Variants in ABI3BP observed in about 807,000 individuals in gnomAD.
ABI3BP encodes target of Nesh-SH3.
In ABI3BP, 216 loss-of-function variants were observed where a neutral mutation model predicts 268.6. The ratio of observed to expected loss-of-function variants is 0.80; its 90% CI spans 0.72 to 0.90. The LOEUF (loss-of-function observed/expected upper bound fraction) is 0.90, where lower values mean the gene tolerates loss of function less well. ABI3BP is among the 40% of genes least tolerant of loss of function. ABI3BP has a pLI of 0.00. For missense variants in ABI3BP, 2,090 were observed against 2,182.4 expected, an observed-to-expected ratio of 0.96 and a Z score of 0.84; for synonymous variants, 730 against 730.0, an observed-to-expected ratio of 1.00 and a Z score of 0.00.
At chr3:100,765,122 T>G (rs1178361255) in intron 63 of ABI3BP, among the ~76,000 whole-genome samples, 2 of 137,616 alleles carry the variant, frequency 1.5e-5, no homozygotes, top group African/African-American at 5.3e-5. Context: ...AAAAAAAAAC[T>G]TGGAACTTCC....
In ABI3BP at chr3:100,828,423, G is replaced by A. The variant is rs1417901001; in HGVS notation, c.2572C>T (p.Pro858Ser). The A allele has an allele frequency of 2.0e-5, 30 of 1,535,242 alleles. No homozygotes were observed. The highest frequency in any genetic ancestry group is 2.4e-5 in the Non-Finnish European group (27 of 1,146,440). Residue 858 changes from proline to serine, a missense_variant, in exon 34 of 68, where the codon CCT becomes TCT. Coordinates refer to ENST00000471714, the MANE Select transcript of ABI3BP (RefSeq NM_001375547.2). ...GTTGTCCCTGGAGCCTCTTTTATAG[G>A]AGAAACTGGTTCAAAGATTGTAGCA... ...VPATIFEPVS[P>S]IKEAPGTTFV...
intron 1 of ABI3BP, among the ~76,000 whole-genome samples, chr3:100,964,348 A>G (rs1163302103): frequency 6.6e-6 from 1 of 152,188 alleles, no homozygotes; most frequent in Non-Finnish European, 1.5e-5. Flanking sequence ...TGATCAAACT[A>G]ATATGTGAGC....
rs2095233781 is a variant in ABI3BP, at chr3:100,750,020, G to A, written c.*475C>T. ...GTTTAAATATAAATGTGAAAATTCG[G>A]ACCTTTTTTCCCCAGATATACATGC... On this transcript the variant is annotated 3_prime_UTR_variant, in exon 68 of 68. Transcript: ENST00000471714. The A allele has an allele frequency of 9.6e-6, 3 of 312,828 alleles. No homozygotes were observed. Among genetic ancestry groups the A allele is most frequent in the Non-Finnish European group, 1.7e-5 (3 of 173,744 alleles). 19.4% of individuals were successfully genotyped at this position (312,828 alleles called of 1,614,324 possible).
chr3:100,767,592 T>C (rs1250874059), intron 62 of ABI3BP, among the ~76,000 whole-genome samples: 1 of 147,118 alleles, frequency 6.8e-6, no homozygotes, highest in Non-Finnish European at 1.5e-5. Context: ...GCAAGTAAAA[T>C]TGATTAAAAA....
At chr3:100,935,047 T>C (rs1435764625) in intron 1 of ABI3BP, among the ~76,000 whole-genome samples, 2 of 152,216 alleles carry the variant, frequency 1.3e-5, no homozygotes, top group Non-Finnish European at 2.9e-5. Flanking sequence ...CATGAAGTCT[T>C]TGGCCATGCC....
chr3:100,845,596 T>A lies in ABI3BP; in HGVS notation c.1723+776A>T, dbSNP rs955407214. Among the ~76,000 whole-genome samples, 14 of 152,146 alleles carry A rather than the reference T, an allele frequency of 9.2e-5. 1 individual carries two copies. The highest frequency in any genetic ancestry group is 3.1e-4 in the African/African-American group (13 of 41,452). On this transcript the variant is annotated intron_variant, in intron 20 of 67. Transcript: ENST00000471714. ...AATGGAAATGCAAGTTCAAAATCCATTAAACATTATTGTGAGAAATAATTT... is the reference window on the plus strand; with the variant it reads ...AATGGAAATGCAAGTTCAAAATCCAATAAACATTATTGTGAGAAATAATTT...
At chr3:100,888,225 T>C (rs771340713) in intron 4 of ABI3BP, among the ~76,000 whole-genome samples, 9 of 152,094 alleles carry the variant, frequency 5.9e-5, no homozygotes, top group Non-Finnish European at 1.3e-4. Context: ...GCCTAAACAC[T>C]AACTGCTACT....
chr3:100,816,580 C>T (rs1176713011), intron 43 of ABI3BP, 108 bp downstream of exon 43: 1 of 901,588 alleles, frequency 1.1e-6, no homozygotes, highest in Non-Finnish European at 1.8e-6. Context: ...TCTTAGAAAA[C>T]ATGATGACTG....
chr3:100,843,653 G>A (rs2098735601), intron 20 of ABI3BP: 6 of 984,192 alleles, frequency 6.1e-6, no homozygotes, highest in Non-Finnish European at 7.2e-6. Context: ...AAGAGAAAGG[G>A]AATTGTATGT....
chr3:100,986,929 T>G lies in ABI3BP; in HGVS notation c.79+6377A>C, dbSNP rs1453912178. Among the ~76,000 whole-genome samples, 4 of 152,170 alleles carry G rather than the reference T, an allele frequency of 2.6e-5. No homozygotes were observed. In the East Asian group the frequency reaches 7.7e-4, roughly 29 times the overall value. On this transcript the variant is annotated intron_variant, in intron 1 of 67. Coordinates refer to ENST00000471714, the MANE Select transcript of ABI3BP (RefSeq NM_001375547.2). ...CAATTATTGTTTTTCTATATTATGT[T>G]TAGCATGTTCCTTCTTTAGCTGATA... is the stretch of plus-strand genomic sequence containing the variant.
At chr3:100,816,107 T>C in intron 43 of ABI3BP, 136 bp from the exon 44 acceptor site, 1 of 656,936 alleles carries the variant, frequency 1.5e-6, no homozygotes, top group South Asian at 2.2e-5. Flanking sequence ...CAGCATATAG[T>C]TGCTTTTGGA....
At chr3:100,811,633 G>T in intron 47 of ABI3BP, 95 bp downstream of exon 47, 1 of 1,259,094 alleles carries the variant, frequency 7.9e-7, no homozygotes, top group Non-Finnish European at 1.1e-6. Context: ...TGTGAATCAA[G>T]TACCACAGCT....
chr3:100,830,313 G>T (rs1367215741), intron 32 of ABI3BP, among the ~76,000 whole-genome samples: 1 of 151,432 alleles, frequency 6.6e-6, no homozygotes, highest in African/African-American at 2.4e-5. Flanking sequence ...TAGTAACAAA[G>T]AATGTGGTTA....
intron 9 of ABI3BP, 63 bp from the exon 10 acceptor site, chr3:100,867,019 G>A (rs1007763863): frequency 2.7e-5 from 33 of 1,238,112 alleles, no homozygotes; most frequent in Non-Finnish European, 3.8e-5. Flanking sequence ...CTCCCTCAAT[G>A]CATAATCAAG....
intron 1 of ABI3BP, among the ~76,000 whole-genome samples, chr3:100,960,187 A>T (rs925043890): frequency 6.6e-6 from 1 of 152,228 alleles, no homozygotes; most frequent in African/African-American, 2.4e-5. Flanking sequence ...AATCAAAGTG[A>T]AATATCAGAA....
At chr3:100,911,617 G>A in intron 2 of ABI3BP, 1 of 688,744 alleles carries the variant, frequency 1.5e-6, no homozygotes, top group Admixed American at 2.2e-5. Context: ...TTTACTGCTT[G>A]GCTAAAACCA....
At chr3:100,963,896 T>A (rs1246082547) in intron 1 of ABI3BP, among the ~76,000 whole-genome samples, 1 of 152,140 alleles carries the variant, frequency 6.6e-6, no homozygotes, top group Non-Finnish European at 1.5e-5. Context: ...GACTCAAGAG[T>A]TCCTTTCTTA....
chr3:100,875,323 T>C (rs1337455720), intron 8 of ABI3BP, among the ~76,000 whole-genome samples, 185 bp downstream of exon 8: 1 of 152,154 alleles, frequency 6.6e-6, no homozygotes, highest in African/African-American at 2.4e-5. Context: ...TAACACACCA[T>C]GATAAAGATA....
intron 63 of ABI3BP, among the ~76,000 whole-genome samples, chr3:100,758,607 T>C (rs1326104938): frequency 6.6e-6 from 1 of 152,154 alleles, no homozygotes; most frequent in Non-Finnish European, 1.5e-5. Context: ...CCTTTCTGCC[T>C]GCCATCAACA....
Sources: gnomAD v4.1 joint callset for allele counts (sites outside exome capture counted in the v4.1 genomes callset) on GRCh38, gnomAD v4.1.1 for gene constraint, MANE v1.5 for transcripts, NCBI Gene and HGNC (gene_info 2026-07-23, HGNC 2026-07-21) for gene names.